CRB1: variants seen among roughly 807,000 people sequenced by gnomAD.
The protein encoded by CRB1 is protein crumbs homolog 1.
Under a neutral mutation model 120.0 loss-of-function variants are expected in CRB1, and 83 were observed. The ratio of observed to expected loss-of-function variants is 0.69; its 90% CI spans 0.58 to 0.83. CRB1 has a LOEUF of 0.83. Among genes scored for constraint, CRB1 ranks in the 40% least tolerant of loss-of-function variants. The probability of loss-of-function intolerance (pLI) is 0.00; values close to 1 mark genes in which losing one functional copy is unlikely to be tolerated. For missense variants in CRB1, 1,699 were observed against 1,687.6 expected, an observed-to-expected ratio of 1.01 and a Z score of -0.12; for synonymous variants, 625 against 612.5, an observed-to-expected ratio of 1.02 and a Z score of -0.30.
the CRB1 span, among the ~76,000 whole-genome samples, chr1:197,247,608 C>G: frequency 6.6e-6 from 1 of 151,994 alleles, no homozygotes; most frequent in Non-Finnish European, 1.5e-5. Flanking sequence ...TCTGACCTTG[C>G]TAGCATTCAT....
chr1:197,242,160 A>G, the CRB1 span, among the ~76,000 whole-genome samples: 3 of 152,120 alleles, frequency 2.0e-5, no homozygotes, highest in South Asian at 2.1e-4. Flanking sequence ...CTCTCTTCCT[A>G]TTTGAATACC....
chr1:197,298,747 A>G (rs1382713975), intron 1 of CRB1, among the ~76,000 whole-genome samples: 3 of 152,146 alleles, frequency 2.0e-5, no homozygotes, highest in East Asian at 1.9e-4. Flanking sequence ...AAAATTATAC[A>G]TAAGAGAAAT....
At chr1:197,256,672 C>T in the CRB1 span, among the ~76,000 whole-genome samples, 2 of 151,954 alleles carry the variant, frequency 1.3e-5, no homozygotes, top group Non-Finnish European at 2.9e-5. Flanking sequence ...TTTCTCTGAA[C>T]AGCAGAAAAT....
chr1:197,368,700 G>A (rs10801603), intron 5 of CRB1, among the ~76,000 whole-genome samples: 126,104 of 152,172 alleles, frequency 0.83, 52,605 homozygotes, highest in African/African-American at 0.92. Context: ...GTCTCAGGTT[G>A]GCATTCCTCT....
chr1:197,431,148 T>A (rs1268939694), intron 8 of CRB1, among the ~76,000 whole-genome samples: 1 of 152,058 alleles, frequency 6.6e-6, no homozygotes, highest in African/African-American at 2.4e-5. Flanking sequence ...TGGCTTAAGG[T>A]CAGTAGCAAT....
chr1:197,280,333 G>T (rs1194598148), intron 1 of CRB1, among the ~76,000 whole-genome samples: 2 of 151,836 alleles, frequency 1.3e-5, no homozygotes, highest in Admixed American at 1.3e-4. Flanking sequence ...CGTCAATCAA[G>T]CTTGTAAGTA....
chr1:197,212,033 T>C, the CRB1 span, among the ~76,000 whole-genome samples: 1 of 152,204 alleles, frequency 6.6e-6, no homozygotes, highest in African/African-American at 2.4e-5. Context: ...TTTTTATCTT[T>C]AATTTGCATT....
chr1:197,309,489 T>C (rs1330887428), intron 1 of CRB1, among the ~76,000 whole-genome samples: 1 of 152,140 alleles, frequency 6.6e-6, no homozygotes, highest in African/African-American at 2.4e-5. Context: ...GCGCTGTGGC[T>C]CACGCCTGTA....
At chr1:197,238,615 G>A in the CRB1 span, among the ~76,000 whole-genome samples, 1 of 152,132 alleles carries the variant, frequency 6.6e-6, no homozygotes, top group Admixed American at 6.5e-5. Context: ...GGAGGCCAAA[G>A]CAGGCAGCTC....
the CRB1 span, among the ~76,000 whole-genome samples, chr1:197,209,330 T>TTTTTGTTTTTG: frequency 2.0e-5 from 3 of 151,380 alleles, no homozygotes; most frequent in Non-Finnish European, 4.4e-5. Flanking sequence ...TTTGTTTTTG[T>TTTTTGTTTTTG]TTTTGTTTTG....
chr1:197,405,637 T>C (rs1338798220), intron 5 of CRB1, among the ~76,000 whole-genome samples: 2 of 145,274 alleles, frequency 1.4e-5, no homozygotes, highest in East Asian at 2.1e-4. Flanking sequence ...GTGAGGAGTG[T>C]CTCTGCCCGG....
chr1:197,403,835 C>T (rs999652012), intron 5 of CRB1, among the ~76,000 whole-genome samples: 3 of 152,164 alleles, frequency 2.0e-5, no homozygotes, highest in Non-Finnish European at 4.4e-5. Flanking sequence ...AGCAAGTGCA[C>T]AACCAGACCT....
the CRB1 span, among the ~76,000 whole-genome samples, chr1:197,213,576 A>G: frequency 6.6e-6 from 1 of 152,312 alleles, no homozygotes; most frequent in Non-Finnish European, 1.5e-5. Flanking sequence ...TCAATCACCA[A>G]TCATAAGATT....
intron 1 of CRB1, among the ~76,000 whole-genome samples, chr1:197,319,432 C>CAAAAAAAAAAAAAA (rs10646084): frequency 3.7e-5 from 1 of 27,096 alleles, no homozygotes; most frequent in Admixed American, 6.7e-4. Flanking sequence ...GACTCCATCT[C>CAAAAAAAAAAAAAA]AAAAAAAAAA....
rs560833745 is a variant in CRB1 at position 197,430,431 on chromosome 1, C to T, written c.2842+817C>T. 1.2e-4 allele frequency among the ~76,000 whole-genome samples: 18 copies of T among 152,268 alleles called. No homozygotes were observed. In the South Asian group the frequency reaches 3.7e-3, roughly 32 times the overall value. On this transcript the variant is annotated intron_variant, in intron 8 of 11. Coordinates refer to ENST00000367400, the MANE Select transcript of CRB1 (RefSeq NM_201253.3). ...TACAAAAAATTTCTTTTGACACTTC[C>T]TCACTCCTATTCCTACCAGTTACCA... is the stretch of plus-strand genomic sequence containing the variant.
intron 4 of CRB1, among the ~76,000 whole-genome samples, chr1:197,355,838 C>G (rs1361285295): frequency 6.6e-6 from 1 of 152,226 alleles, no homozygotes; most frequent in Non-Finnish European, 1.5e-5. Context: ...TAGAGGGGCT[C>G]CCACAATGCA....
At chr1:197,283,463 G>C (rs957139390) in intron 1 of CRB1, among the ~76,000 whole-genome samples, 3 of 151,672 alleles carry the variant, frequency 2.0e-5, no homozygotes, top group Non-Finnish European at 4.4e-5. Flanking sequence ...TCATAGCTTA[G>C]CTCCCACTTA....
rs762334857 is a variant in CRB1, at chr1:197,429,551, T to C, written c.2779T>C (p.Trp927Arg). Residue 927 changes from tryptophan to arginine, a missense_variant, in exon 8 of 12, where the codon TGG becomes CGG. Trp to Arg is a moderately radical substitution (Grantham distance 101). Transcript: ENST00000367400. ...TSGKACEEVQ[W>R]CGFSPCPHGA... is the part of the protein sequence containing the mutation. ...TGGGAAAGCCTGTGAGGAGGTTCAGTGGTGTGGATTCAGCCCGTGTCCTCA... is the reference window on the plus strand; with the variant it reads ...TGGGAAAGCCTGTGAGGAGGTTCAGCGGTGTGGATTCAGCCCGTGTCCTCA... 8 of 1,613,886 alleles carry C rather than the reference T, an allele frequency of 5.0e-6. No individual in the cohort carries two copies. The African/African-American group carries it at 1.1e-4, about 22-fold the overall frequency.
intron 2 of CRB1, among the ~76,000 whole-genome samples, chr1:197,340,242 C>G (rs1344005709): frequency 1.3e-5 from 2 of 152,126 alleles, no homozygotes; most frequent in East Asian, 3.9e-4. Flanking sequence ...CTGGAGCTAG[C>G]CTGGGGAAGG....
Sources: gnomAD v4.1 joint callset for allele counts (sites outside exome capture counted in the v4.1 genomes callset) on GRCh38, gnomAD v4.1.1 for gene constraint, MANE v1.5 for transcripts, NCBI Gene and HGNC (gene_info 2026-07-23, HGNC 2026-07-21) for gene names.